Variants in PCMT1 observed in about 807,000 individuals in gnomAD.
PCMT1 encodes protein-L-isoaspartate(D-aspartate) O-methyltransferase.
PCMT1 carries 9 observed loss-of-function variants against 29.2 expected under a neutral mutation model. That is an observed-to-expected ratio of 0.31 (90% CI 0.19 to 0.54). The LOEUF (loss-of-function observed/expected upper bound fraction) is 0.54. Ranked by LOEUF, PCMT1 falls within the 20% of genes least tolerant of loss-of-function variation. PCMT1 has a pLI of 0.95. For missense variants in PCMT1, 184 were observed against 282.2 expected, an observed-to-expected ratio of 0.65 and a Z score of 2.49; for synonymous variants, 98 against 97.5, an observed-to-expected ratio of 1.00 and a Z score of -0.03.
chr6:149,809,774 A>C (rs1776113165), intron 7 of PCMT1, among the ~76,000 whole-genome samples: 1 of 151,972 alleles, frequency 6.6e-6, no homozygotes, highest in Non-Finnish European at 1.5e-5. Context: ...TCATTTTTCT[A>C]CATTTCTTTC....
chr6:149,762,111 AT>A (rs1334527871), intron 1 of PCMT1, among the ~76,000 whole-genome samples: 19 of 151,936 alleles, frequency 1.3e-4, no homozygotes, highest in African/African-American at 3.4e-4. Context: ...TTTTCCTGGA[AT>A]TTGATTTATC....
intron 3 of PCMT1, among the ~76,000 whole-genome samples, chr6:149,785,441 G>T (rs1787990999): frequency 6.9e-6 from 1 of 145,252 alleles, no homozygotes; most frequent in African/African-American, 2.5e-5. Context: ...ATCATTCTTG[G>T]GTGTTTCTCG....
At chr6:149,806,450 A>G (rs1020658283) in intron 7 of PCMT1, among the ~76,000 whole-genome samples, 5 of 152,222 alleles carry the variant, frequency 3.3e-5, no homozygotes, top group Non-Finnish European at 7.3e-5. Flanking sequence ...TAGTAAGGAT[A>G]GAGAGAAGTG....
intron 2 of PCMT1, 60 bp from the exon 3 acceptor site, chr6:149,773,078 T>C (rs995298329): frequency 1.6e-6 from 2 of 1,278,536 alleles, no homozygotes; most frequent in Admixed American, 2.0e-5. Flanking sequence ...GAAAAGAAAT[T>C]ATGTGAAATA....
intron 6 of PCMT1, among the ~76,000 whole-genome samples, chr6:149,800,548 A>G (rs577940805): frequency 3.4e-4 from 52 of 152,312 alleles, no homozygotes; most frequent in African/African-American, 1.2e-3. Context: ...TTTTTTATTA[A>G]TAGTGATGCG....
chr6:149,756,814 G>A (rs992173861), intron 1 of PCMT1, among the ~76,000 whole-genome samples: 2 of 151,490 alleles, frequency 1.3e-5, no homozygotes, highest in Admixed American at 6.6e-5. Flanking sequence ...GTACTAGTAA[G>A]TAAACTTGAA....
intron 3 of PCMT1, among the ~76,000 whole-genome samples, chr6:149,775,485 C>T (rs900845749): frequency 3.3e-5 from 5 of 152,014 alleles, no homozygotes; most frequent in East Asian, 1.9e-4. Context: ...GCAGGAATAT[C>T]GCTAGAAGCC....
intron 4 of PCMT1, among the ~76,000 whole-genome samples, chr6:149,791,968 A>G (rs1788390578): frequency 6.6e-6 from 1 of 152,166 alleles, no homozygotes; most frequent in Non-Finnish European, 1.5e-5. Context: ...CATTTTTATG[A>G]TGGGGTTTAT....
Position 149,749,927 on chromosome 6 carries a change from G to A in PCMT1, c.26G>A (p.Ser9Asn), listed in dbSNP as rs754551183. 1.1e-5 allele frequency: 17 copies of A among 1,610,764 alleles called. No individual in the cohort carries two copies. Among genetic ancestry groups the A allele is most frequent in the Non-Finnish European group, 1.4e-5 (16 of 1,178,780 alleles). Reference sequence around the variant, plus strand: ...ATGGCCTGGAAATCCGGCGGCGCCAGCCACTCGGAGCTAATCCACAATCTC... The same window carrying A: ...ATGGCCTGGAAATCCGGCGGCGCCAACCACTCGGAGCTAATCCACAATCTC... MAWKSGGASHSELIHNLRK... is the reference protein window; with the variant it reads MAWKSGGANHSELIHNLRK... Residue 9 changes from serine (S) to asparagine (N), a missense_variant, in exon 1 of 8, where the codon AGC becomes AAC. Ser to Asn is a conservative substitution (Grantham distance 46). Coordinates refer to ENST00000464889, the MANE Select transcript of PCMT1 (RefSeq NM_001360452.2).
intron 7 of PCMT1, among the ~76,000 whole-genome samples, chr6:149,808,453 T>C (rs1179374035): frequency 6.6e-6 from 1 of 152,128 alleles, no homozygotes; most frequent in Non-Finnish European, 1.5e-5. Context: ...AGCAAGTTTT[T>C]GTTTTTCCCT....
At chr6:149,797,366 G>A (rs1788658792) in intron 6 of PCMT1, 1 of 152,150 alleles carries the variant, frequency 6.6e-6, no homozygotes, top group East Asian at 1.9e-4. Context: ...CACACGGATG[G>A]AACTTGAACT....
At chr6:149,775,137 G>A (rs1787507370) in intron 3 of PCMT1, among the ~76,000 whole-genome samples, 1 of 152,232 alleles carries the variant, frequency 6.6e-6, no homozygotes, top group African/African-American at 2.4e-5. Flanking sequence ...GAGCCACTGG[G>A]CCTGGCCAGA....
chr6:149,805,771 A>G (rs1159478477), intron 7 of PCMT1, among the ~76,000 whole-genome samples: 1 of 150,080 alleles, frequency 6.7e-6, no homozygotes, highest in Admixed American at 6.6e-5. Context: ...CTCCATCTCT[A>G]CTAAAAAAAC....
intron 3 of PCMT1, among the ~76,000 whole-genome samples, chr6:149,785,838 T>TC (rs1328424844): frequency 6.6e-5 from 10 of 152,222 alleles, no homozygotes; most frequent in Non-Finnish European, 1.2e-4. Flanking sequence ...CCATCCGATT[T>TC]CTCAATCTCT....
chr6:149,758,297 G>A (rs926872968), intron 1 of PCMT1, among the ~76,000 whole-genome samples: 6 of 146,202 alleles, frequency 4.1e-5, no homozygotes, highest in African/African-American at 7.6e-5. Context: ...TGCAACCTCC[G>A]CCTCCCCGGT....
At chr6:149,754,743 C>T (rs1010801244) in intron 1 of PCMT1, among the ~76,000 whole-genome samples, 2 of 152,132 alleles carry the variant, frequency 1.3e-5, no homozygotes, top group African/African-American at 2.4e-5. Context: ...TGATCCTGCC[C>T]GTGACATGAA....
At chr6:149,756,701 A>T (rs923210079) in intron 1 of PCMT1, among the ~76,000 whole-genome samples, 5 of 151,430 alleles carry the variant, frequency 3.3e-5, no homozygotes, top group African/African-American at 1.2e-4. Flanking sequence ...TTTTGTATGC[A>T]CATGGGAAAA....
At chr6:149,798,594 A>G (rs950069837) in intron 6 of PCMT1, among the ~76,000 whole-genome samples, 27 of 152,330 alleles carry the variant, frequency 1.8e-4, no homozygotes, top group African/African-American at 6.0e-4. Context: ...TCACCCCAAG[A>G]TAACCAGAAA....
intron 1 of PCMT1, among the ~76,000 whole-genome samples, chr6:149,766,722 A>G (rs1562401392): frequency 6.6e-6 from 1 of 152,084 alleles, no homozygotes; most frequent in Non-Finnish European, 1.5e-5. Context: ...TTGTTTGCTG[A>G]TCTCTGCTAT....
Sources: gnomAD v4.1 joint callset for allele counts (sites outside exome capture counted in the v4.1 genomes callset) on GRCh38, gnomAD v4.1.1 for gene constraint, MANE v1.5 for transcripts, NCBI Gene and HGNC (gene_info 2026-07-23, HGNC 2026-07-21) for gene names.